The following CDH12 variants were observed in gnomAD, a reference collection of about 807,000 sequenced individuals.
The protein encoded by CDH12 is cadherin-12.
A neutral mutation model predicts 74.1 loss-of-function variants in CDH12; 41 were observed. That is an observed-to-expected ratio of 0.55 (90% CI 0.43 to 0.72). CDH12 has a LOEUF of 0.72. Among genes scored for constraint, CDH12 ranks in the 30% least tolerant of loss-of-function variants. The pLI is 0.00. For synonymous variants in CDH12, 399 were observed against 355.0 expected (o/e 1.12, Z -1.39); for missense variants, 945 against 977.2 (o/e 0.97, Z 0.44).
intron 10 of CDH12, among the ~76,000 whole-genome samples, chr5:21,785,887 A>G (rs955580404): frequency 4.6e-5 from 7 of 152,234 alleles, no homozygotes; most frequent in African/African-American, 9.6e-5. Flanking sequence ...TTTTAAATGT[A>G]TACAGAACAG....
At chr5:22,693,743 A>T (rs1742204438) in intron 1 of CDH12, among the ~76,000 whole-genome samples, 1 of 115,032 alleles carries the variant, frequency 8.7e-6, no homozygotes. Context: ...TTACCAATTG[A>T]AATGTTTATT....
chr5:21,783,452 T>C lies in CDH12; in HGVS notation c.1299A>G (p.Thr433=), dbSNP rs1746028185. The C allele has an allele frequency of 3.1e-6, 5 of 1,607,244 alleles. No individual in the cohort carries two copies. The East Asian group carries it at 6.7e-5, about 22-fold the overall frequency. Residue 433 remains threonine (T), a synonymous_variant, in exon 11 of 15, where the codon ACA becomes ACG. Coordinates refer to ENST00000382254, the MANE Select transcript of CDH12 (RefSeq NM_004061.5). ...CGATGGTTCCTTCATTTCCATCTAT[T>C]GTAAAGTAGCTGTCCCCATCACTCT... ...DWKSDGDSYF[T]IDGNEGTIAT...
intron 1 of CDH12, among the ~76,000 whole-genome samples, chr5:22,528,725 C>T (rs911473670): frequency 6.6e-6 from 1 of 152,018 alleles, no homozygotes; most frequent in African/African-American, 2.4e-5. Context: ...TCAAAAGTAT[C>T]ATATACAAAG....
At chr5:22,742,233 AGAAAG>A in intron 1 of CDH12, among the ~76,000 whole-genome samples, 1 of 151,970 alleles carries the variant, frequency 6.6e-6, no homozygotes, top group South Asian at 2.1e-4. Flanking sequence ...AAAGAAAGAG[AGAAAG>A]GAAAGAAAAG....
At chr5:22,626,577 C>G (rs980403791) in intron 1 of CDH12, among the ~76,000 whole-genome samples, 3 of 151,982 alleles carry the variant, frequency 2.0e-5, no homozygotes, top group Non-Finnish European at 4.4e-5. Flanking sequence ...AAAGAAGATA[C>G]CAGCAAGAAA....
intron 3 of CDH12, among the ~76,000 whole-genome samples, chr5:22,359,283 G>A (rs1269504254): frequency 6.6e-6 from 1 of 152,130 alleles, no homozygotes; most frequent in Non-Finnish European, 1.5e-5. Flanking sequence ...TGCAATCCTA[G>A]TCTCTGAAAA....
At chr5:22,366,703 T>C (rs1308727605) in intron 3 of CDH12, among the ~76,000 whole-genome samples, 1 of 152,204 alleles carries the variant, frequency 6.6e-6, no homozygotes, top group African/African-American at 2.4e-5. Context: ...GGATAAATAG[T>C]GGAATAAATA....
intron 1 of CDH12, among the ~76,000 whole-genome samples, chr5:22,820,895 T>C (rs1203680988): frequency 5.9e-5 from 9 of 152,128 alleles, no homozygotes; most frequent in Admixed American, 3.9e-4. Flanking sequence ...GAGGCCAGCA[T>C]CATCCTGATA....
At chr5:21,912,900 TG>T (rs1483049548) in intron 6 of CDH12, among the ~76,000 whole-genome samples, 1 of 152,160 alleles carries the variant, frequency 6.6e-6, no homozygotes, top group Admixed American at 6.5e-5. Flanking sequence ...TGGAGTGCAG[TG>T]GCCTGATCTC....
At chr5:22,306,965 C>T (rs757534994) in intron 3 of CDH12, among the ~76,000 whole-genome samples, 12 of 152,126 alleles carry the variant, frequency 7.9e-5, no homozygotes, top group Non-Finnish European at 1.3e-4. Context: ...TTTATCTAAA[C>T]ATATACTTAG....
chr5:22,012,477 A>G (rs1262217857), intron 5 of CDH12, among the ~76,000 whole-genome samples: 3 of 152,090 alleles, frequency 2.0e-5, no homozygotes, highest in Non-Finnish European at 4.4e-5. Context: ...TATTTCTTCT[A>G]TTTTTAAGAG....
intron 3 of CDH12, among the ~76,000 whole-genome samples, chr5:22,311,485 A>G (rs1738386392): frequency 6.6e-6 from 1 of 151,958 alleles, no homozygotes; most frequent in Admixed American, 6.6e-5. Flanking sequence ...AGGGTGGATC[A>G]GAGGTGAGGA....
chr5:22,518,878 C>T (rs945404299), intron 1 of CDH12, among the ~76,000 whole-genome samples: 5 of 152,058 alleles, frequency 3.3e-5, no homozygotes, highest in South Asian at 2.1e-4. Context: ...TGGTAGGGCC[C>T]GTTGGTATTA....
chr5:22,024,876 T>C (rs1176997669), intron 5 of CDH12, among the ~76,000 whole-genome samples: 1 of 152,164 alleles, frequency 6.6e-6, no homozygotes, highest in African/African-American at 2.4e-5. Flanking sequence ...GCCATATATA[T>C]CAATTTAGAT....
chr5:21,854,908 G>A, intron 6 of CDH12, 118 bp from the exon 7 acceptor site: 2 of 734,030 alleles, frequency 2.7e-6, no homozygotes, highest in Non-Finnish European at 4.4e-6. Context: ...TACACCATGA[G>A]TACATGATGT....
intron 4 of CDH12, among the ~76,000 whole-genome samples, chr5:22,142,001 A>G (rs887188451): frequency 1.3e-5 from 2 of 152,144 alleles, no homozygotes; most frequent in Non-Finnish European, 2.9e-5. Context: ...TCCAGAATCT[A>G]TTACTTACAC....
intron 10 of CDH12, among the ~76,000 whole-genome samples, chr5:21,783,927 GA>G (rs1234052852): frequency 6.6e-6 from 1 of 152,028 alleles, no homozygotes; most frequent in Non-Finnish European, 1.5e-5. Context: ...TCCAGAGATA[GA>G]AAAAATAACA....
intron 2 of CDH12, among the ~76,000 whole-genome samples, chr5:22,476,411 C>A (rs1203135680): frequency 6.6e-6 from 1 of 151,978 alleles, no homozygotes; most frequent in Non-Finnish European, 1.5e-5. Flanking sequence ...AATGATTAAT[C>A]TATATTAAAC....
At chr5:22,545,796 C>T (rs953483025) in intron 1 of CDH12, among the ~76,000 whole-genome samples, 6 of 151,940 alleles carry the variant, frequency 3.9e-5, no homozygotes, top group African/African-American at 1.5e-4. Context: ...TGTATAACTG[C>T]TAAGTACAAG....
Sources: allele counts gnomAD v4.1 joint callset (sites outside exome capture counted in the v4.1 genomes callset), GRCh38; gene constraint gnomAD v4.1.1; transcripts MANE v1.5; gene names NCBI Gene and HGNC (gene_info 2026-07-23, HGNC 2026-07-21).